Variants in CACNA1C observed in about 807,000 individuals in gnomAD.
The protein encoded by CACNA1C is calcium voltage-gated channel subunit alpha1 C, also known as voltage-dependent L-type calcium channel subunit alpha-1C.
Under a neutral mutation model 229.0 loss-of-function variants are expected in CACNA1C, and 30 were observed. The observed-to-expected ratio is 0.13, with a 90% CI of 0.10 to 0.18. The LOEUF is 0.18. CACNA1C is among the 10% of genes least tolerant of loss of function. CACNA1C has a pLI of 1.00. For synonymous variants in CACNA1C, 1,114 were observed against 1,132.5 expected (o/e 0.98, Z 0.33); for missense variants, 1,658 against 2,845.0 (o/e 0.58, Z 9.49).
rs1367476392 is a variant in CACNA1C at position 2,131,864 on chromosome 12, G to A, written c.477+11434G>A. Reference sequence around the variant, plus strand: ...AAGAAAGTCATTGGTAGCTTGATGGGGATGGCATTGAATCTGTAAATTACC... The same window carrying A: ...AAGAAAGTCATTGGTAGCTTGATGGAGATGGCATTGAATCTGTAAATTACC... On this transcript the variant is annotated intron_variant, in intron 3 of 46. Transcript: ENST00000399655. Among the ~76,000 whole-genome samples the A allele has an allele frequency of 4.4e-4, 65 of 146,350 alleles. 1 individual carries two copies. Among genetic ancestry groups the A allele is most frequent in the African/African-American group, 1.7e-3 (63 of 38,174 alleles).
At chr12:2,105,523 G>A (rs1047450422) in intron 1 of CACNA1C, among the ~76,000 whole-genome samples, 3 of 152,216 alleles carry the variant, frequency 2.0e-5, no homozygotes, top group African/African-American at 7.2e-5. Context: ...CAGGTAGGAG[G>A]AAGCGCAGTC....
At chr12:2,487,178 T>C (rs1209511828) in intron 6 of CACNA1C, among the ~76,000 whole-genome samples, 1 of 151,986 alleles carries the variant, frequency 6.6e-6, no homozygotes, top group African/African-American at 2.4e-5. Context: ...GGGCTAGCTG[T>C]GTTAAATATA....
intron 3 of CACNA1C, among the ~76,000 whole-genome samples, chr12:2,190,808 A>G (rs533427763): frequency 6.6e-5 from 10 of 152,300 alleles, no homozygotes; most frequent in African/African-American, 2.4e-4. Flanking sequence ...GGGTGGCAAG[A>G]AGGGTTATTC....
intron 9 of CACNA1C, among the ~76,000 whole-genome samples, chr12:2,546,033 G>C (rs138580293): frequency 1.3e-5 from 2 of 152,332 alleles, no homozygotes; most frequent in African/African-American, 4.8e-5. Flanking sequence ...GCAGTGGCTG[G>C]TGTCTTCACA....
intron 3 of CACNA1C, among the ~76,000 whole-genome samples, chr12:2,443,414 TGCAGC>T (rs2099247842): frequency 1.3e-5 from 2 of 152,202 alleles, no homozygotes; most frequent in East Asian, 3.8e-4. Flanking sequence ...ATGGCCCATT[TGCAGC>T]TTTGAAAGTC....
intron 9 of CACNA1C, among the ~76,000 whole-genome samples, chr12:2,515,584 C>T (rs2099794955): frequency 6.6e-6 from 1 of 152,196 alleles, no homozygotes; most frequent in Admixed American, 6.5e-5. Context: ...AAAGGCCGAT[C>T]ACTCTTCATC....
chr12:2,380,151 G>T (rs1423385280), intron 3 of CACNA1C, among the ~76,000 whole-genome samples: 2 of 152,174 alleles, frequency 1.3e-5, no homozygotes, highest in African/African-American at 4.8e-5. Flanking sequence ...TGCCCAAGTG[G>T]CTGGGTGTCC....
intron 3 of CACNA1C, among the ~76,000 whole-genome samples, chr12:2,187,093 C>G (rs111403687): frequency 6.6e-6 from 1 of 152,272 alleles, no homozygotes; most frequent in East Asian, 1.9e-4. Flanking sequence ...CATGGTAAAA[C>G]GTTATCTTAC....
rs139388648 is a variant in CACNA1C at position 2,157,406 on chromosome 12, G to T, written c.477+36976G>T. Among the ~76,000 whole-genome samples, 11 of 152,318 alleles carry T rather than the reference G, an allele frequency of 7.2e-5. No homozygotes were observed. The East Asian group carries it at 2.1e-3, about 29-fold the overall frequency. ...TTCTCTAATGGGGATAAAGCAAGAGGTCTGCATGGGGGCACCACTGGCACA... is the reference window on the plus strand; with the variant it reads ...TTCTCTAATGGGGATAAAGCAAGAGTTCTGCATGGGGGCACCACTGGCACA... On this transcript the variant is annotated intron_variant, in intron 3 of 46. Coordinates refer to ENST00000399655, the MANE Select transcript of CACNA1C (RefSeq NM_000719.7).
Position 2,677,304 on chromosome 12 carries a change from C to T in CACNA1C, c.4956+83C>T. 2 of 1,490,330 alleles carry T rather than the reference C, an allele frequency of 1.3e-6. No homozygotes were observed. The highest frequency in any genetic ancestry group is 1.4e-5 in the African/African-American group (1 of 72,286). The allele number at this position is 1,490,330 out of a possible 1,614,324, so 92.3% of individuals were successfully genotyped here. ...TCCAGTCAGGGTCCCGGTCCCTCCC[C>T]AGCAGGCTGGAGGCCAGGTCCCTGC... On this transcript the variant is annotated intron_variant, in intron 40 of 46. Coordinates refer to ENST00000399655, the MANE Select transcript of CACNA1C (RefSeq NM_000719.7). The surrounding 1 kb of genome is among the most constrained non-coding windows in gnomAD (Gnocchi z 7.4).
At chr12:2,293,524 C>T (rs1002305294) in intron 3 of CACNA1C, among the ~76,000 whole-genome samples, 1 of 152,220 alleles carries the variant, frequency 6.6e-6, no homozygotes, top group Non-Finnish European at 1.5e-5. Flanking sequence ...TGTGGCCCAA[C>T]ACAAATGCAT....
At chr12:2,061,925 G>C (rs2057656123) in intron 1 of CACNA1C, among the ~76,000 whole-genome samples, 1 of 152,236 alleles carries the variant, frequency 6.6e-6, no homozygotes, top group Non-Finnish European at 1.5e-5. Context: ...TTTGGAGATA[G>C]AGGGGACAGT....
intron 9 of CACNA1C, among the ~76,000 whole-genome samples, chr12:2,516,967 C>G (rs935760915): frequency 5.3e-5 from 8 of 152,162 alleles, no homozygotes; most frequent in Non-Finnish European, 1.2e-4. Context: ...AGTCCTAGCC[C>G]TACTGATGTT....
chr12:2,561,224 A>G (rs2047318661), intron 11 of CACNA1C, among the ~76,000 whole-genome samples: 1 of 152,188 alleles, frequency 6.6e-6, no homozygotes, highest in Non-Finnish European at 1.5e-5. Flanking sequence ...GAGAGGCAGG[A>G]ACCATACAAA....
intron 9 of CACNA1C, among the ~76,000 whole-genome samples, chr12:2,521,279 G>A (rs2099809384): frequency 6.6e-6 from 1 of 152,230 alleles, no homozygotes; most frequent in Non-Finnish European, 1.5e-5. Context: ...GTCGGGTGTT[G>A]TGGAGGCCAC....
chr12:2,494,433 C>T (rs2099742668), intron 7 of CACNA1C, among the ~76,000 whole-genome samples: 1 of 152,206 alleles, frequency 6.6e-6, no homozygotes, highest in Non-Finnish European at 1.5e-5. Flanking sequence ...CAGTGTTGTT[C>T]TCCAGAATTT....
chr12:2,245,218 T>G (rs548566932), intron 3 of CACNA1C, among the ~76,000 whole-genome samples: 1 of 152,324 alleles, frequency 6.6e-6, no homozygotes, highest in African/African-American at 2.4e-5. Flanking sequence ...CTGTTCCTCC[T>G]AGTTGAAGAC....
chr12:2,316,184 A>G (rs2095679697), intron 3 of CACNA1C, among the ~76,000 whole-genome samples: 2 of 152,252 alleles, frequency 1.3e-5, no homozygotes, highest in African/African-American at 4.8e-5. Flanking sequence ...CCCAAAGCTG[A>G]ACATAGATGG....
At chr12:2,592,957 G>T (rs1467344017) in intron 18 of CACNA1C, among the ~76,000 whole-genome samples, 1 of 152,096 alleles carries the variant, frequency 6.6e-6, no homozygotes, top group African/African-American at 2.4e-5. Context: ...TTCCTGGGAT[G>T]TGGGAATTTT....
Sources: allele counts gnomAD v4.1 joint callset (sites outside exome capture counted in the v4.1 genomes callset), GRCh38; gene constraint gnomAD v4.1.1; non-coding constraint Gnocchi (gnomAD v3.1); transcripts MANE v1.5; gene names NCBI Gene and HGNC (gene_info 2026-07-23, HGNC 2026-07-21).